OTOF: variants seen among roughly 807,000 people sequenced by gnomAD.
The protein encoded by OTOF is otoferlin, also known as fer-1-like family member 2.
OTOF carries 218 observed loss-of-function variants against 236.8 expected under a neutral mutation model. The ratio of observed to expected loss-of-function variants is 0.92; its 90% CI spans 0.82 to 1.03. OTOF has a LOEUF of 1.03. Ranked by LOEUF, OTOF falls within the 50% of genes least tolerant of loss-of-function variation. OTOF has a pLI of 0.00. For missense variants in OTOF, 2,590 were observed against 2,694.4 expected (o/e 0.96, Z 0.86); for synonymous variants, 1,041 against 1,072.5 (o/e 0.97, Z 0.57).
chr2:26,465,969 C>G lies in OTOF; in HGVS notation c.4608G>C (p.Gln1536His). The G allele has an allele frequency of 1.2e-6, 2 of 1,614,238 alleles. No homozygotes were observed. Among genetic ancestry groups the G allele is most frequent in the Non-Finnish European group, 1.7e-6 (2 of 1,180,032 alleles). Residue 1536 changes from glutamine (Q) to histidine (H), a missense_variant, in exon 37 of 47, where the codon CAG becomes CAC. Transcript: ENST00000272371. ...CTTACTTCCCAAAGACAGGGTTGAG[C>G]TGCTTGGAGATGTAGTTCTCCTTGT... is the stretch of plus-strand genomic sequence containing the variant. ...IRDKENYISK[Q>H]LNPVFGKSFD...
chr2:26,516,588 G>T lies in OTOF; in HGVS notation c.339C>A (p.Cys113Ter), dbSNP rs139098225. The T allele has an allele frequency of 1.9e-6, 3 of 1,606,182 alleles. No homozygotes were observed. Among genetic ancestry groups the T allele is most frequent in the Non-Finnish European group, 2.5e-6 (3 of 1,179,954 alleles). ...DNNAIIKTSL[C>*]VEVRYQATDG... ...CAGTGGCCTGATACCGGACCTCCACGCACAGGCTGGTCTGAAGGGAGGGAG... is the reference window on the plus strand; with the variant it reads ...CAGTGGCCTGATACCGGACCTCCACTCACAGGCTGGTCTGAAGGGAGGGAG... The change falls in exon 5 of 47, where the codon TGC becomes TGA. Residue 113 changes from cysteine (C) to a stop codon, truncating the protein, a stop_gained. Coordinates refer to ENST00000272371, the MANE Select transcript of OTOF (RefSeq NM_194248.3). LOFTEE classifies it high-confidence loss of function.
At chr2:26,550,438 T>C (rs1165211318) in intron 1 of OTOF, among the ~76,000 whole-genome samples, 1 of 151,896 alleles carries the variant, frequency 6.6e-6, no homozygotes, top group East Asian at 1.9e-4. Flanking sequence ...CTATGCCAGG[T>C]CTGTTCTGTG....
intron 38 of OTOF, 22 bp from the exon 39 acceptor site, chr2:26,465,051 C>T: frequency 6.9e-7 from 1 of 1,458,736 alleles, no homozygotes; most frequent in Non-Finnish European, 9.1e-7. Flanking sequence ...GACACACAGG[C>T]TTGGAGGGGC....
In OTOF at chr2:26,472,651, T is replaced by C. The variant is rs748827423; in HGVS notation, c.3734-2A>G. On this transcript the variant is annotated splice_acceptor_variant, in intron 29 of 46. Transcript: ENST00000272371. LOFTEE classifies it high-confidence loss of function. ...CACGGCAGCGCCGGAGAAGCCTGAC[T>C]GGACAGATGGATAGATGGACAGACA... 2 of 1,612,784 alleles carry C rather than the reference T, an allele frequency of 1.2e-6. No homozygotes were observed. Among genetic ancestry groups the C allele is most frequent in the Admixed American group, 1.7e-5 (1 of 59,942 alleles).
rs1450822321 is a variant in OTOF at position 26,480,463 on chromosome 2, C to T, written c.1804-152G>A. 5.7e-6 allele frequency: 4 copies of T among 699,648 alleles called. No homozygotes were observed. The Admixed American group carries it at 6.1e-5, about 11-fold the overall frequency. The allele number at this position is 699,648 out of a possible 1,614,324, so 43.3% of individuals were successfully genotyped here. A position where few individuals can be genotyped will look rare whatever the true frequency, so the allele number is the denominator to read the frequency against. ...GCCAGGCAGCCCACACCCCAACGGC[C>T]CCCCAGCCTGGATATCCATGGAAGC... is the stretch of plus-strand genomic sequence containing the variant. On this transcript the variant is annotated intron_variant, in intron 15 of 46. Transcript: ENST00000272371.
In OTOF at chr2:26,470,684, C is replaced by T. The variant is rs774042072; in HGVS notation, c.3932G>A (p.Gly1311Asp). 6.2e-7 allele frequency: 1 copy of T among 1,611,788 alleles called. No homozygotes were observed. Among genetic ancestry groups the T allele is most frequent in the Non-Finnish European group, 8.5e-7 (1 of 1,178,124 alleles). ...EEKEKKKKKKGTAEEPEEEEP... is the reference protein window; with the variant it reads ...EEKEKKKKKKDTAEEPEEEEP... ...CTCCTCCTCTGGCTCCTCCGCAGTG[C>T]CCTTCTTCTTCTTCTTCTTCTCCTT... is the stretch of plus-strand genomic sequence containing the variant. The change falls in exon 32 of 47, where the codon GGC becomes GAC. Residue 1311 changes from glycine (G) to aspartate (D), a missense_variant. Gly to Asp is a moderately conservative substitution (Grantham distance 94). Transcript: ENST00000272371. This position sits in a 1 kb window ranked among gnomAD's most constrained non-coding sequence, Gnocchi z 4.3.
intron 2 of OTOF, among the ~76,000 whole-genome samples, chr2:26,530,573 T>A (rs35373310): frequency 0.27 from 41,558 of 151,992 alleles, 5,762 homozygotes; most frequent in East Asian, 0.33. Context: ...CACCTTACAG[T>A]TTCCTTTCTT....
At chr2:26,510,996 A>C (rs76693171) in intron 5 of OTOF, among the ~76,000 whole-genome samples, 2 of 152,194 alleles carry the variant, frequency 1.3e-5, no homozygotes, top group Admixed American at 1.3e-4. Context: ...GGTGGCCACT[A>C]TTCCAACCCC....
chr2:26,460,520 G>C lies in OTOF; in HGVS notation c.5813+127C>G. The C allele has an allele frequency of 2.5e-6, 2 of 794,150 alleles. No homozygotes were observed. Among genetic ancestry groups the C allele is most frequent in the East Asian group, 5.3e-5 (2 of 37,588 alleles). 49.2% of individuals were successfully genotyped at this position (794,150 alleles called of 1,614,324 possible). On this transcript the variant is annotated intron_variant, in intron 45 of 46. Coordinates refer to ENST00000272371, the MANE Select transcript of OTOF (RefSeq NM_194248.3). This position sits in a 1 kb window ranked among gnomAD's most constrained non-coding sequence, Gnocchi z 5.3. Reference sequence around the variant, plus strand: ...TGGGATTCAGGGTTGGCAGAGGGCAGGGAGGAGGCTCCCCTGTAATGAGGC... The same window carrying C: ...TGGGATTCAGGGTTGGCAGAGGGCACGGAGGAGGCTCCCCTGTAATGAGGC...
chr2:26,546,439 C>T (rs1667335020), intron 1 of OTOF, among the ~76,000 whole-genome samples: 3 of 147,894 alleles, frequency 2.0e-5, no homozygotes, highest in Admixed American at 1.4e-4. Context: ...CCAGCCTGGG[C>T]AACAAGAGTG....
chr2:26,468,499 A>C (rs1436605936), intron 32 of OTOF, 25 bp from the exon 33 acceptor site: 4 of 1,607,522 alleles, frequency 2.5e-6, no homozygotes, highest in Non-Finnish European at 3.4e-6. Flanking sequence ...GATGAAAAGG[A>C]CAGAAGGTGG....
In OTOF at chr2:26,535,421, G is replaced by C. The variant is rs572930937; in HGVS notation, c.138+2295C>G. ...GGGGCTGCCACCATCTTCCCACGGGGCTCCCAGGTGGGAAGTGCGGGATGG... is the reference window on the plus strand; with the variant it reads ...GGGGCTGCCACCATCTTCCCACGGGCCTCCCAGGTGGGAAGTGCGGGATGG... On this transcript the variant is annotated intron_variant, in intron 2 of 46. Transcript: ENST00000272371. Among the ~76,000 whole-genome samples, 12 of 152,252 alleles carry C rather than the reference G, an allele frequency of 7.9e-5. No individual in the cohort carries two copies. In the South Asian group the frequency reaches 2.3e-3, roughly 29 times the overall value.
rs1215941020 is a variant in OTOF at position 26,460,652 on chromosome 2, T to C, written c.5808A>G (p.Lys1936=). 6.2e-7 allele frequency: 1 copy of C among 1,613,420 alleles called. No individual in the cohort carries two copies. The highest frequency in any genetic ancestry group is 1.7e-5 in the Admixed American group (1 of 59,950). ...TGGGCCGGCAGGGCACTCACTTGGGTTTCTCTAGGGGGTCAGGTTCATTGC... is the reference window on the plus strand; with the variant it reads ...TGGGCCGGCAGGGCACTCACTTGGGCTTCTCTAGGGGGTCAGGTTCATTGC... ...LARNEPDPLE[K]PNRPDTSFIW... is the part of the protein sequence containing the mutation. The change falls in exon 45 of 47, where the codon AAA becomes AAG. Residue 1936 remains lysine (K), a synonymous_variant. Coordinates refer to ENST00000272371, the MANE Select transcript of OTOF (RefSeq NM_194248.3). This position sits in a 1 kb window ranked among gnomAD's most constrained non-coding sequence, Gnocchi z 5.3.
chr2:26,510,533 G>A (rs1455188861), intron 5 of OTOF, among the ~76,000 whole-genome samples: 6 of 151,204 alleles, frequency 4.0e-5, no homozygotes, highest in Middle Eastern at 3.4e-3. Flanking sequence ...CCTCACCCCC[G>A]TGGCCAGGTG....
At chr2:26,519,288 C>A (rs960010377) in intron 3 of OTOF, among the ~76,000 whole-genome samples, 179 bp from the exon 4 acceptor site, 1 of 152,190 alleles carries the variant, frequency 6.6e-6, no homozygotes, top group Non-Finnish European at 1.5e-5. Context: ...GCAGCATGTC[C>A]CACTGTGGAT....
At chr2:26,489,123 C>A in intron 11 of OTOF, 88 bp downstream of exon 11, 1 of 961,172 alleles carries the variant, frequency 1.0e-6, no homozygotes. Context: ...AGCCTTTTCC[C>A]AGGAACTGCC....
chr2:26,502,533 A>G lies in OTOF; in HGVS notation c.584-107T>C, dbSNP rs1217996694. 4 of 1,157,272 alleles carry G rather than the reference A, an allele frequency of 3.5e-6. No individual in the cohort carries two copies. In the African/African-American group the frequency reaches 6.1e-5, roughly 18 times the overall value. The allele number at this position is 1,157,272 out of a possible 1,614,324, so 71.7% of individuals were successfully genotyped here. ...AAGCTGAGAGTTAAATTCGAGGTTT[A>G]CTTAGTTGCTACCGCTTAGAATATT... On this transcript the variant is annotated intron_variant, in intron 6 of 46. Transcript: ENST00000272371.
chr2:26,547,697 G>A (rs145833383), intron 1 of OTOF, among the ~76,000 whole-genome samples: 179 of 152,188 alleles, frequency 1.2e-3, no homozygotes, highest in Non-Finnish European at 1.9e-3. Context: ...TTAGCCGGGC[G>A]TGGTGGCACC....
At chr2:26,504,345 G>A (rs1268703226) in intron 5 of OTOF, among the ~76,000 whole-genome samples, 1 of 152,156 alleles carries the variant, frequency 6.6e-6, no homozygotes, top group Non-Finnish European at 1.5e-5. Context: ...AGGCCGATGA[G>A]GAGATGGGAG....
Sources: allele counts gnomAD v4.1 joint callset (sites outside exome capture counted in the v4.1 genomes callset), GRCh38; gene constraint gnomAD v4.1.1; non-coding constraint Gnocchi (gnomAD v3.1); transcripts MANE v1.5; gene names NCBI Gene and HGNC (gene_info 2026-07-23, HGNC 2026-07-21).